The following FHIP1A variants were observed in gnomAD, a reference collection of about 807,000 sequenced individuals.
The protein encoded by FHIP1A is FHF complex subunit HOOK interacting protein 1A.
Under a neutral mutation model 88.6 loss-of-function variants are expected in FHIP1A, and 61 were observed. The ratio of observed to expected loss-of-function variants is 0.69; its 90% CI spans 0.56 to 0.85. The LOEUF is 0.85. FHIP1A is among the 40% of genes least tolerant of loss of function. FHIP1A has a pLI of 0.00. For synonymous variants in FHIP1A, 478 were observed against 496.0 expected (o/e 0.96, Z 0.48); for missense variants, 1,154 against 1,273.5 (o/e 0.91, Z 1.43).
At chr4:151,553,736 G>T (rs1335331752) in intron 3 of FHIP1A, among the ~76,000 whole-genome samples, 1 of 152,118 alleles carries the variant, frequency 6.6e-6, no homozygotes, top group East Asian at 1.9e-4. Flanking sequence ...TCATTGTTTT[G>T]CCTATTTCCA....
intron 2 of FHIP1A, among the ~76,000 whole-genome samples, 189 bp from the exon 3 acceptor site, chr4:151,482,335 G>A (rs114934678): frequency 0.017 from 2,511 of 151,942 alleles, 32 homozygotes; most frequent in Non-Finnish European, 0.025. Context: ...TTTTTGGCTA[G>A]CATTCAGATT....
chr4:151,576,448 T>C (rs1733794395), intron 4 of FHIP1A, among the ~76,000 whole-genome samples: 1 of 152,082 alleles, frequency 6.6e-6, no homozygotes, highest in African/African-American at 2.4e-5. Context: ...TCTCAAGGCA[T>C]GCACCACCAC....
rs1352257108 is a variant in FHIP1A, at chr4:151,649,923, T to A, written c.1882T>A (p.Phe628Ile). 1 of 1,551,430 alleles carries A rather than the reference T, an allele frequency of 6.4e-7. No individual in the cohort carries two copies. The highest frequency in any genetic ancestry group is 1.4e-5 in the African/African-American group (1 of 72,990). Residue 628 changes from phenylalanine (F) to isoleucine (I), a missense_variant, in exon 11 of 14, where the codon TTC becomes ATC. By Grantham distance (21) the Phe-to-Ile change is conservative. Transcript: ENST00000435205. ...QEMKKNALLL[F>I]KGSYIEESDF... ...GATGAAGAAGAATGCCCTCCTGCTCTTCAAAGGGTCCTACATAGAAGAGTC... is the reference window on the plus strand; with the variant it reads ...GATGAAGAAGAATGCCCTCCTGCTCATCAAAGGGTCCTACATAGAAGAGTC...
chr4:151,476,623 G>GTTAATTAACTAATTGTTAAT (rs1729717898), intron 2 of FHIP1A, among the ~76,000 whole-genome samples: 2 of 152,084 alleles, frequency 1.3e-5, no homozygotes, highest in African/African-American at 4.8e-5. Context: ...AATTGTTAAT[G>GTTAATTAACTAATTGTTAAT]GTATTTGGAA....
chr4:151,633,028 G>T (rs973030481), intron 8 of FHIP1A, among the ~76,000 whole-genome samples: 9 of 151,802 alleles, frequency 5.9e-5, no homozygotes, highest in African/African-American at 1.9e-4. Flanking sequence ...CCAAGACTTG[G>T]TTTTTTAAAA....
rs1015712781 is a variant in FHIP1A at position 151,664,552 on chromosome 4, C to A, written c.*1798C>A. Among the ~76,000 whole-genome samples the A allele has an allele frequency of 8.5e-5, 13 of 152,196 alleles. No homozygotes were observed. The highest frequency in any genetic ancestry group is 1.3e-4 in the Non-Finnish European group (9 of 68,034). ...AATGGTTTGCTCAGCTGTGGTGCAGCAGCCAGAAGGGATGAAGCACAGCAG... is the reference window on the plus strand; with the variant it reads ...AATGGTTTGCTCAGCTGTGGTGCAGAAGCCAGAAGGGATGAAGCACAGCAG... On this transcript the variant is annotated 3_prime_UTR_variant, in exon 14 of 14. Coordinates refer to ENST00000435205, the MANE Select transcript of FHIP1A (RefSeq NM_001109977.3).
intron 7 of FHIP1A, among the ~76,000 whole-genome samples, chr4:151,589,809 A>T (rs1364542371): frequency 6.6e-6 from 1 of 152,178 alleles, no homozygotes; most frequent in Admixed American, 6.5e-5. Flanking sequence ...TTGACAGAAG[A>T]TGTTCATCCT....
chr4:151,524,929 A>G (rs538321970), intron 3 of FHIP1A, among the ~76,000 whole-genome samples: 55 of 152,324 alleles, frequency 3.6e-4, no homozygotes, highest in Admixed American at 3.0e-3. Flanking sequence ...ACATGACAGA[A>G]ATAGGAATCA....
At chr4:151,566,570 A>T (rs762509300) in intron 4 of FHIP1A, among the ~76,000 whole-genome samples, 6 of 152,168 alleles carry the variant, frequency 3.9e-5, no homozygotes, top group Non-Finnish European at 8.8e-5. Context: ...TTTTCACAAA[A>T]GCAATTAGGG....
chr4:151,431,361 G>T (rs1733584728), intron 1 of FHIP1A, among the ~76,000 whole-genome samples: 1 of 152,120 alleles, frequency 6.6e-6, no homozygotes, highest in South Asian at 2.1e-4. Flanking sequence ...AATGCATTTT[G>T]ACTGAGATGA....
intron 3 of FHIP1A, among the ~76,000 whole-genome samples, chr4:151,486,693 G>A (rs908802073): frequency 2.6e-5 from 4 of 152,058 alleles, no homozygotes; most frequent in African/African-American, 4.8e-5. Context: ...CTTGCCGGGC[G>A]TGGTGGCTCA....
Position 151,649,610 on chromosome 4 carries a change from C to G in FHIP1A, c.1569C>G (p.Ala523=). Residue 523 remains alanine, a synonymous_variant, in exon 11 of 14, where the codon GCC becomes GCG. Transcript: ENST00000435205. ...RCMRDCRVWS[A]LYDGDSPDPE... Reference sequence around the variant, plus strand: ...TGAGGGACTGCCGTGTCTGGTCCGCCCTGTATGATGGCGACTCCCCCGACC... The same window carrying G: ...TGAGGGACTGCCGTGTCTGGTCCGCGCTGTATGATGGCGACTCCCCCGACC... 6.4e-7 allele frequency: 1 copy of G among 1,551,680 alleles called. No homozygotes were observed. Among genetic ancestry groups the G allele is most frequent in the Non-Finnish European group, 8.7e-7 (1 of 1,146,986 alleles).
intron 3 of FHIP1A, among the ~76,000 whole-genome samples, chr4:151,484,133 G>A (rs988666361): frequency 1.3e-5 from 2 of 152,142 alleles, no homozygotes; most frequent in African/African-American, 4.8e-5. Context: ...GAGCTCCTCT[G>A]ATGTTTTAGG....
intron 9 of FHIP1A, among the ~76,000 whole-genome samples, chr4:151,645,790 C>A (rs1736771798): frequency 1.3e-5 from 2 of 151,922 alleles, no homozygotes; most frequent in South Asian, 4.2e-4. Flanking sequence ...AGCCATGAAG[C>A]CCACTGATGT....
At chr4:151,566,453 G>C in intron 4 of FHIP1A, 89 bp downstream of exon 4, 1 of 706,240 alleles carries the variant, frequency 1.4e-6, no homozygotes, top group South Asian at 1.8e-5. Flanking sequence ...CTCTGTGATA[G>C]GTAACTAGAT....
At chr4:151,591,485 G>A (rs1734425802) in intron 7 of FHIP1A, among the ~76,000 whole-genome samples, 1 of 151,702 alleles carries the variant, frequency 6.6e-6, no homozygotes, top group African/African-American at 2.4e-5. Context: ...TTAAGTTCTG[G>A]GATTCACATG....
chr4:151,494,809 A>G (rs1730403037), intron 3 of FHIP1A, among the ~76,000 whole-genome samples: 1 of 152,200 alleles, frequency 6.6e-6, no homozygotes, highest in Non-Finnish European at 1.5e-5. Context: ...TGAGCATGGA[A>G]TGTTTTTCCA....
At chr4:151,515,935 A>G (rs1202075906) in intron 3 of FHIP1A, among the ~76,000 whole-genome samples, 1 of 152,222 alleles carries the variant, frequency 6.6e-6, no homozygotes, top group African/African-American at 2.4e-5. Flanking sequence ...TCTTCACAGA[A>G]TTGGAAAAAA....
intron 3 of FHIP1A, among the ~76,000 whole-genome samples, chr4:151,565,633 C>T (rs1377409297): frequency 1.3e-5 from 2 of 152,070 alleles, no homozygotes; most frequent in African/African-American, 4.8e-5. Flanking sequence ...ATAACACCTC[C>T]CCCAAGTTGC....
Sources: allele counts gnomAD v4.1 joint callset (sites outside exome capture counted in the v4.1 genomes callset), GRCh38; gene constraint gnomAD v4.1.1; transcripts MANE v1.5; gene names NCBI Gene and HGNC (gene_info 2026-07-23, HGNC 2026-07-21).